The following NUP85 variants were observed in gnomAD, a reference collection of about 807,000 sequenced individuals.
NUP85 encodes the protein nucleoporin 85.
Under a neutral mutation model 92.8 loss-of-function variants are expected in NUP85, and 23 were observed. The observed-to-expected ratio is 0.25, with a 90% CI of 0.18 to 0.35. The LOEUF (loss-of-function observed/expected upper bound fraction) is 0.35. NUP85 is among the 10% of genes least tolerant of loss of function. The probability of loss-of-function intolerance (pLI) is 1.00; values close to 1 mark genes in which losing one functional copy is unlikely to be tolerated. For synonymous variants in NUP85, 314 were observed against 306.9 expected, an observed-to-expected ratio of 1.02 and a Z score of -0.24; for missense variants, 759 against 822.8, an observed-to-expected ratio of 0.92 and a Z score of 0.95.
Position 75,225,760 on chromosome 17 carries a change from T to C in NUP85, c.918T>C (p.His306=), listed in dbSNP as rs758263987. 2 of 1,614,182 alleles carry C rather than the reference T, an allele frequency of 1.2e-6. No individual in the cohort carries two copies. The highest frequency in any genetic ancestry group is 3.3e-5 in the Admixed American group (2 of 60,010). ...EQKELLSNWY[H]FLVTRLLYSN... ...AGGAACTTCTGAGTAATTGGTATCA[T>C]TTCCTAGTGACTCGGCTCTTGTACT... The change falls in exon 10 of 19, where the codon CAT becomes CAC. Residue 306 remains histidine (H), a synonymous_variant. Transcript: ENST00000245544.
rs201896656 is a variant in NUP85 at position 75,231,947 on chromosome 17, G to A, written c.1364G>A (p.Arg455Gln). 3.3e-5 allele frequency: 54 copies of A among 1,614,066 alleles called. No individual in the cohort carries two copies. Among genetic ancestry groups the A allele is most frequent in the African/African-American group, 2.4e-4 (18 of 74,932 alleles). ...GAGCAGAAAGCCCTGAAGGTGCTGC[G>A]GATCTGTGAGCAGCGGCAGATGACT... is the stretch of plus-strand genomic sequence containing the variant. ...NTEQKALKVL[R>Q]ICEQRQMTEQ... The change falls in exon 14 of 19, where the codon CGG becomes CAG. Residue 455 changes from arginine (R) to glutamine (Q), a missense_variant. Coordinates refer to ENST00000245544, the MANE Select transcript of NUP85 (RefSeq NM_024844.5). This position sits in a 1 kb window ranked among gnomAD's most constrained non-coding sequence, Gnocchi z 4.6.
intron 7 of NUP85, among the ~76,000 whole-genome samples, chr17:75,220,253 T>C (rs374708701): frequency 4.8e-5 from 7 of 147,314 alleles, no homozygotes; most frequent in African/African-American, 1.7e-4. Flanking sequence ...GCCTCCTGAG[T>C]AGCTGGGACT....
In NUP85 at chr17:75,231,708, C is replaced by G; in HGVS notation, c.1244+70C>G. On this transcript the variant is annotated intron_variant, in intron 13 of 18. Transcript: ENST00000245544. The surrounding 1 kb of genome is among the most constrained non-coding windows in gnomAD (Gnocchi z 4.6). ...CATGCGGGTGCCATTGGAGCTTGGA[C>G]TGTTCTCTCCCAGTTGGCTCCTTGA... is the stretch of plus-strand genomic sequence containing the variant. 1.9e-6 allele frequency: 3 copies of G among 1,604,364 alleles called. No homozygotes were observed. Among genetic ancestry groups the G allele is most frequent in the Non-Finnish European group, 2.6e-6 (3 of 1,171,648 alleles).
intron 7 of NUP85, among the ~76,000 whole-genome samples, chr17:75,224,186 C>T (rs2075689237): frequency 6.6e-6 from 1 of 152,102 alleles, no homozygotes; most frequent in Admixed American, 6.5e-5. Context: ...GCTGGGACTA[C>T]AGGCGCCTGC....
At chr17:75,225,286 C>G (rs201415704) in intron 8 of NUP85, 49 bp downstream of exon 8, 2 of 1,610,316 alleles carry the variant, frequency 1.2e-6, no homozygotes, top group African/African-American at 2.7e-5. Context: ...ATGCGTGATT[C>G]ACTAAATATA....
intron 3 of NUP85, among the ~76,000 whole-genome samples, chr17:75,211,126 C>T (rs1204667599): frequency 5.3e-5 from 8 of 151,776 alleles, no homozygotes; most frequent in Non-Finnish European, 1.2e-4. Context: ...CCTCAGCCTC[C>T]TGAGTAGCTG....
At chr17:75,232,429 T>C (rs935400951) in intron 14 of NUP85, among the ~76,000 whole-genome samples, 1 of 152,148 alleles carries the variant, frequency 6.6e-6, no homozygotes. Flanking sequence ...CATGAGTTAT[T>C]ACCCTGCAGA....
chr17:75,231,254 A>G lies in NUP85; in HGVS notation c.1095-86A>G. 1 of 1,231,092 alleles carries G rather than the reference A, an allele frequency of 8.1e-7. No homozygotes were observed. Among genetic ancestry groups the G allele is most frequent in the East Asian group, 2.3e-5 (1 of 43,130 alleles). The allele number at this position is 1,231,092 out of a possible 1,614,324, so 76.3% of individuals were successfully genotyped here. A position where few individuals can be genotyped will look rare whatever the true frequency, so the allele number is the denominator to read the frequency against. The stretch of plus-strand genomic sequence containing the variant: ...GCCCCATCTCTTTGAGGGACAGGAC[A>G]TGTGGGGTTTCTTGCTCACCCCCAC... On this transcript the variant is annotated intron_variant, in intron 11 of 18. Transcript: ENST00000245544. The surrounding 1 kb of genome is among the most constrained non-coding windows in gnomAD (Gnocchi z 4.6).
chr17:75,206,200 A>G (rs2075075553), intron 1 of NUP85, among the ~76,000 whole-genome samples: 1 of 152,130 alleles, frequency 6.6e-6, no homozygotes, highest in Admixed American at 6.6e-5. Context: ...TATTCAACGT[A>G]TTATCTCAGG....
chr17:75,220,177 T>C (rs1429893499), intron 7 of NUP85, among the ~76,000 whole-genome samples: 1 of 152,032 alleles, frequency 6.6e-6, no homozygotes, highest in African/African-American at 2.4e-5. Flanking sequence ...TAGGCTGGAG[T>C]GCAGTGGCGC....
intron 11 of NUP85, among the ~76,000 whole-genome samples, chr17:75,230,369 T>TG (rs2076003689): frequency 6.6e-6 from 1 of 151,144 alleles, no homozygotes; most frequent in Non-Finnish European, 1.5e-5. Flanking sequence ...TTTGTTTTTT[T>TG]TTTTTTTTGA....
chr17:75,229,054 G>C, intron 11 of NUP85: 1 of 985,482 alleles, frequency 1.0e-6, no homozygotes, highest in Non-Finnish European at 1.2e-6. Flanking sequence ...CAGCTGGGGT[G>C]CACTTCACTG....
At chr17:75,224,494 G>A (rs532988146) in intron 7 of NUP85, among the ~76,000 whole-genome samples, 3 of 152,262 alleles carry the variant, frequency 2.0e-5, no homozygotes, top group African/African-American at 4.8e-5. Context: ...GAGAAGGGGT[G>A]GGGGGAAGCA....
At chr17:75,222,930 G>A (rs2075640373) in intron 7 of NUP85, among the ~76,000 whole-genome samples, 1 of 151,654 alleles carries the variant, frequency 6.6e-6, no homozygotes, top group Non-Finnish European at 1.5e-5. Flanking sequence ...AGCTACTCGG[G>A]AGGCTGAGGC....
intron 6 of NUP85, among the ~76,000 whole-genome samples, chr17:75,217,122 G>T (rs2075453641): frequency 6.6e-6 from 1 of 151,996 alleles, no homozygotes; most frequent in Admixed American, 6.6e-5. Context: ...GAGTACAGTG[G>T]CGTGATCACA....
intron 3 of NUP85, among the ~76,000 whole-genome samples, chr17:75,210,481 T>C (rs2075222724): frequency 6.6e-6 from 1 of 152,222 alleles, no homozygotes; most frequent in Admixed American, 6.5e-5. Flanking sequence ...CCACCTCAGA[T>C]CATCAAAATC....
chr17:75,221,358 C>T (rs1483666974), intron 7 of NUP85, among the ~76,000 whole-genome samples: 1 of 151,458 alleles, frequency 6.6e-6, no homozygotes, highest in Non-Finnish European at 1.5e-5. Flanking sequence ...AGGCTGGTCT[C>T]GAACTCCTGA....
intron 1 of NUP85, 49 bp downstream of exon 1, chr17:75,205,843 C>T: frequency 6.2e-7 from 1 of 1,603,256 alleles, no homozygotes. Context: ...TTGAGAACTG[C>T]GTCTGCTTAG....
At chr17:75,234,385 T>C (rs2076239572) in intron 16 of NUP85, among the ~76,000 whole-genome samples, 1 of 152,208 alleles carries the variant, frequency 6.6e-6, no homozygotes, top group Non-Finnish European at 1.5e-5. Flanking sequence ...TCCATGACTC[T>C]TGTTATGTAT....
Sources: allele counts gnomAD v4.1 joint callset (sites outside exome capture counted in the v4.1 genomes callset), GRCh38; gene constraint gnomAD v4.1.1; non-coding constraint Gnocchi (gnomAD v3.1); transcripts MANE v1.5; gene names NCBI Gene and HGNC (gene_info 2026-07-23, HGNC 2026-07-21).